FAM227B: variants seen among roughly 807,000 people sequenced by gnomAD.
The protein encoded by FAM227B is protein FAM227B.
FAM227B carries 88 observed loss-of-function variants against 73.8 expected under a neutral mutation model. That is an observed-to-expected ratio of 1.19 (90% CI 1.00 to 1.42). FAM227B has a LOEUF of 1.42. Among genes scored for constraint, FAM227B ranks in the 40% most tolerant of loss-of-function variants. The pLI is 0.00. For missense variants in FAM227B, 632 were observed against 590.9 expected, an observed-to-expected ratio of 1.07 and a Z score of -0.72; for synonymous variants, 210 against 190.5, an observed-to-expected ratio of 1.10 and a Z score of -0.84.
chr15:49,547,229 T>C (rs2072045934), intron 9 of FAM227B, among the ~76,000 whole-genome samples: 2 of 152,048 alleles, frequency 1.3e-5, no homozygotes, highest in South Asian at 4.2e-4. Flanking sequence ...AAGCAAATGC[T>C]GAGAGATTTT....
intron 11 of FAM227B, chr15:49,485,546 C>T (rs1240714454): frequency 6.6e-6 from 1 of 152,340 alleles, no homozygotes; most frequent in Non-Finnish European, 1.5e-5. Context: ...AACTGTCTGG[C>T]TCAACGGCAA....
chr15:49,386,540 A>G (rs2151548704), intron 11 of FAM227B, among the ~76,000 whole-genome samples: 1 of 152,040 alleles, frequency 6.6e-6, no homozygotes, highest in East Asian at 1.9e-4. Context: ...AAATGCCTAC[A>G]TCAAGAAGTC....
chr15:49,589,652 C>A (rs1173757674), intron 4 of FAM227B, 124 bp downstream of exon 4: 2 of 619,616 alleles, frequency 3.2e-6, no homozygotes, highest in East Asian at 3.0e-5. Flanking sequence ...CTGGCTTATG[C>A]CTGTAATTCC....
intron 2 of FAM227B, among the ~76,000 whole-genome samples, chr15:49,614,272 G>A (rs1346006120): frequency 6.6e-6 from 1 of 151,922 alleles, no homozygotes; most frequent in Non-Finnish European, 1.5e-5. Flanking sequence ...GATGTAGAAG[G>A]ATATAAAACA....
Position 49,558,612 on chromosome 15 carries a change from T to C in FAM227B, c.747+9633A>G, listed in dbSNP as rs148933619. ...CCCACCTAAGTGTTCTGCCTGCCCC[T>C]GGTTTCCACCATCTAAGCATTTTAC... On this transcript the variant is annotated intron_variant, in intron 9 of 15. Coordinates refer to ENST00000299338, the MANE Select transcript of FAM227B (RefSeq NM_152647.3). Among the ~76,000 whole-genome samples the C allele has an allele frequency of 3.9e-5, 6 of 152,244 alleles. No individual in the cohort carries two copies. The East Asian group carries it at 1.2e-3, about 30-fold the overall frequency.
chr15:49,602,734 G>A (rs373857986), intron 3 of FAM227B, among the ~76,000 whole-genome samples: 36 of 152,250 alleles, frequency 2.4e-4, no homozygotes, highest in African/African-American at 8.4e-4. Context: ...CCAATGTGCT[G>A]GAGAGTTTTC....
chr15:49,560,947 T>A (rs1261562564), intron 9 of FAM227B, among the ~76,000 whole-genome samples: 5 of 152,192 alleles, frequency 3.3e-5, no homozygotes, highest in Non-Finnish European at 4.4e-5. Flanking sequence ...ATAACCCACA[T>A]ACCCAATAAA....
At chr15:49,476,356 TTAAAG>T (rs1314669488) in intron 11 of FAM227B, among the ~76,000 whole-genome samples, 1 of 151,774 alleles carries the variant, frequency 6.6e-6, no homozygotes, top group South Asian at 2.1e-4. Flanking sequence ...GATATCATAA[TTAAAG>T]TAATCAGATC....
chr15:49,538,999 G>A (rs2070675600), intron 10 of FAM227B, among the ~76,000 whole-genome samples: 2 of 152,092 alleles, frequency 1.3e-5, no homozygotes, highest in Admixed American at 1.3e-4. Context: ...TATCATGTTT[G>A]TTTTCCTTGT....
At chr15:49,611,128 C>T in intron 3 of FAM227B, 87 bp downstream of exon 3, 1 of 795,348 alleles carries the variant, frequency 1.3e-6, no homozygotes, top group Non-Finnish European at 2.1e-6. Flanking sequence ...AATTTCTAGT[C>T]TTAAAGTTTA....
intron 11 of FAM227B, chr15:49,396,286 G>A (rs763898087): frequency 2.5e-6 from 1 of 403,930 alleles, no homozygotes; most frequent in Non-Finnish European, 4.8e-6. Context: ...GTGCTTTTCT[G>A]ACGGGCTTAA....
At chr15:49,392,240 T>C (rs546816778) in intron 11 of FAM227B, among the ~76,000 whole-genome samples, 1 of 152,210 alleles carries the variant, frequency 6.6e-6, no homozygotes, top group African/African-American at 2.4e-5. Context: ...GAAACTTCAT[T>C]TGCAAGAAAC....
At chr15:49,580,131 T>C (rs1222337836) in intron 5 of FAM227B, among the ~76,000 whole-genome samples, 1 of 152,222 alleles carries the variant, frequency 6.6e-6, no homozygotes, top group Non-Finnish European at 1.5e-5. Context: ...ATAAAACTTT[T>C]ATATTTAACA....
At chr15:49,404,280 T>C (rs1018051000) in intron 11 of FAM227B, among the ~76,000 whole-genome samples, 1 of 152,212 alleles carries the variant, frequency 6.6e-6, no homozygotes, top group Non-Finnish European at 1.5e-5. Context: ...CAGGTCCATT[T>C]GATCCAGTGC....
intron 11 of FAM227B, among the ~76,000 whole-genome samples, chr15:49,471,734 G>A (rs1453556570): frequency 6.6e-6 from 1 of 152,030 alleles, no homozygotes; most frequent in East Asian, 1.9e-4. Context: ...AGAAAAGCTA[G>A]CTGACATTAG....
intron 11 of FAM227B, among the ~76,000 whole-genome samples, chr15:49,483,721 C>A (rs2056156829): frequency 6.6e-6 from 1 of 152,034 alleles, no homozygotes; most frequent in African/African-American, 2.4e-5. Context: ...CACTTCACTA[C>A]AATGCAAAAT....
rs139942661 is a variant in FAM227B, at chr15:49,609,551, A to G, written c.105+1664T>C. Among the ~76,000 whole-genome samples the G allele has an allele frequency of 3.4e-4, 52 of 152,084 alleles. 1 individual carries two copies. The East Asian group carries it at 9.3e-3, about 27-fold the overall frequency. The stretch of plus-strand genomic sequence containing the variant: ...ATTCTAAAAGAATAATAGCTCCATA[A>G]GGGCAGGCATCTTTGCTTGTTTTTA... On this transcript the variant is annotated intron_variant, in intron 3 of 15. Coordinates refer to ENST00000299338, the MANE Select transcript of FAM227B (RefSeq NM_152647.3).
At chr15:49,455,978 G>C (rs2053247167) in intron 11 of FAM227B, among the ~76,000 whole-genome samples, 1 of 152,004 alleles carries the variant, frequency 6.6e-6, no homozygotes. Context: ...AAACACTCTA[G>C]AAGAGCTTTC....
chr15:49,581,531 T>C (rs549143642), intron 5 of FAM227B, among the ~76,000 whole-genome samples: 1 of 152,220 alleles, frequency 6.6e-6, no homozygotes, highest in African/African-American at 2.4e-5. Context: ...TTGGTCAGGA[T>C]GGTCTCAAAT....
Sources: gnomAD v4.1 joint callset for allele counts (sites outside exome capture counted in the v4.1 genomes callset) on GRCh38, gnomAD v4.1.1 for gene constraint, MANE v1.5 for transcripts, NCBI Gene and HGNC (gene_info 2026-07-23, HGNC 2026-07-21) for gene names.